The following ANKRD17 variants were observed in gnomAD, a reference collection of about 807,000 sequenced individuals.
ANKRD17 encodes the protein ankyrin repeat domain 17.
In ANKRD17, 19 loss-of-function variants were observed where a neutral mutation model predicts 229.7. The ratio of observed to expected loss-of-function variants is 0.08; its 90% CI spans 0.06 to 0.12. ANKRD17 has a LOEUF of 0.12. Among genes scored for constraint, ANKRD17 ranks in the 10% least tolerant of loss-of-function variants. ANKRD17 has a pLI of 1.00. For synonymous variants in ANKRD17, 1,112 were observed against 1,146.1 expected (o/e 0.97, Z 0.60); for missense variants, 2,176 against 3,176.8 (o/e 0.68, Z 7.57).
chr4:73,194,845 C>A (rs1737623660), intron 1 of ANKRD17, among the ~76,000 whole-genome samples: 1 of 151,902 alleles, frequency 6.6e-6, no homozygotes, highest in Non-Finnish European at 1.5e-5. Context: ...TTTTTTATTT[C>A]TCTCATTAAC....
Position 73,120,208 on chromosome 4 carries a change from C to T in ANKRD17, c.3979G>A (p.Ala1327Thr), listed in dbSNP as rs1284690897. 1 of 1,614,082 alleles carries T rather than the reference C, an allele frequency of 6.2e-7. No individual in the cohort carries two copies. The highest frequency in any genetic ancestry group is 8.5e-7 in the Non-Finnish European group (1 of 1,180,012). ...AATTTGTAATGCCCTTTATCTGCTGCTATGGTTAAAGCTGTATCTCTTGAG... is the reference window on the plus strand; with the variant it reads ...AATTTGTAATGCCCTTTATCTGCTGTTATGGTTAAAGCTGTATCTCTTGAG... ...PSSRDTALTIAADKGHYKFCE... is the reference protein window; with the variant it reads ...PSSRDTALTITADKGHYKFCE... The change falls in exon 21 of 34, where the codon GCA becomes ACA. Residue 1327 changes from alanine (A) to threonine (T), a missense_variant. Around this residue, in one of 18 missense-constraint regions of ANKRD17, gnomAD observed 178 missense variants for 421.7 expected, o/e 0.42. Transcript: ENST00000358602.
intron 1 of ANKRD17, among the ~76,000 whole-genome samples, chr4:73,220,825 C>T (rs1445118846): frequency 6.6e-6 from 1 of 152,048 alleles, no homozygotes; most frequent in African/African-American, 2.4e-5. Context: ...ATATTAAGTA[C>T]AATAATAAAA....
In ANKRD17 at chr4:73,194,840, T is replaced by G. The variant is rs113179026; in HGVS notation, c.394-17307A>C. On this transcript the variant is annotated intron_variant, in intron 1 of 33. Transcript: ENST00000358602. The stretch of plus-strand genomic sequence containing the variant: ...TTTTTCATGTATTTAGGTCATTTTT[T>G]ATTTCTCTCATTAACTGTTTTTTTT... Among the ~76,000 whole-genome samples the G allele has an allele frequency of 2.5e-3, 377 of 152,210 alleles. 2 individuals carry two copies. The highest frequency in any genetic ancestry group is 0.016 in the South Asian group (76 of 4,826).
chr4:73,174,579 C>T (rs1039431315), intron 2 of ANKRD17, among the ~76,000 whole-genome samples: 1 of 152,038 alleles, frequency 6.6e-6, no homozygotes, highest in Non-Finnish European at 1.5e-5. Context: ...CAAGTCCTAG[C>T]CAGAGCAATC....
chr4:73,099,421 C>G (rs116382499), intron 25 of ANKRD17, among the ~76,000 whole-genome samples: 6 of 152,188 alleles, frequency 3.9e-5, no homozygotes, highest in Non-Finnish European at 1.5e-5. Context: ...CCCTCCTGGA[C>G]AATGCTAACA....
intron 1 of ANKRD17, among the ~76,000 whole-genome samples, chr4:73,236,125 T>C (rs900678512): frequency 6.6e-6 from 1 of 152,182 alleles, no homozygotes; most frequent in Admixed American, 6.5e-5. Flanking sequence ...GGAAAAAGGA[T>C]GGTCAATAAC....
intron 30 of ANKRD17, among the ~76,000 whole-genome samples, chr4:73,083,169 A>C (rs2110109327): frequency 6.6e-6 from 1 of 152,360 alleles, no homozygotes; most frequent in Non-Finnish European, 1.5e-5. Flanking sequence ...TTAATTACAA[A>C]ATCTGAGAGA....
At chr4:73,076,861 A>C (rs1721052644) in intron 33 of ANKRD17, 79 bp downstream of exon 33, 1 of 1,479,256 alleles carries the variant, frequency 6.8e-7, no homozygotes, top group Non-Finnish European at 9.1e-7. Context: ...TCTTGCTATC[A>C]TGAGTTACCT....
chr4:73,141,595 C>T, intron 14 of ANKRD17, 146 bp downstream of exon 14: 2 of 679,044 alleles, frequency 2.9e-6, no homozygotes, highest in Non-Finnish European at 2.5e-6. Context: ...CTATTTTTTT[C>T]TCCCAATAAC....
At chr4:73,079,302 G>GA in intron 30 of ANKRD17, among the ~76,000 whole-genome samples, 1 of 152,264 alleles carries the variant, frequency 6.6e-6, no homozygotes, top group Non-Finnish European at 1.5e-5. Context: ...GTGTTATGAT[G>GA]AAAAAGAGAT....
chr4:73,151,487 G>T lies in ANKRD17; in HGVS notation c.1272C>A (p.Gly424=), dbSNP rs573926381. The change falls in exon 7 of 34, where the codon GGC becomes GGA. Residue 424 remains glycine, a synonymous_variant. Transcript: ENST00000358602. ...CATCTGTTTTATGCTCTTGATCCGC[G>T]CCTGCTTCCAAAAGAAATCGCACCA... The part of the protein sequence containing the change: ...LEMVRFLLEA[G]ADQEHKTDEM... 2.7e-5 allele frequency: 43 copies of T among 1,608,900 alleles called. No homozygotes were observed. In the South Asian group the frequency reaches 2.9e-4, roughly 11 times the overall value.
At chr4:73,143,901 C>G (rs571190676) in intron 11 of ANKRD17, among the ~76,000 whole-genome samples, 3 of 152,032 alleles carry the variant, frequency 2.0e-5, no homozygotes, top group Non-Finnish European at 2.9e-5. Flanking sequence ...CCACCATGCC[C>G]AGCTAATTTT....
At chr4:73,256,346 A>C (rs1745452832) in intron 1 of ANKRD17, among the ~76,000 whole-genome samples, 1 of 152,270 alleles carries the variant, frequency 6.6e-6, no homozygotes, top group Non-Finnish European at 1.5e-5. Context: ...TAAGTACTGC[A>C]TTCAACTATC....
At chr4:73,083,948 A>C (rs902470446) in intron 30 of ANKRD17, among the ~76,000 whole-genome samples, 8 of 140,152 alleles carry the variant, frequency 5.7e-5, no homozygotes, top group African/African-American at 2.1e-4. Flanking sequence ...AAAACAAAAC[A>C]AAAAAAAAAA....
intron 24 of ANKRD17, among the ~76,000 whole-genome samples, chr4:73,103,390 T>C (rs1724232103): frequency 6.6e-6 from 1 of 152,162 alleles, no homozygotes; most frequent in Admixed American, 6.5e-5. Flanking sequence ...TGACTTTCAA[T>C]TTTACTTTAT....
In ANKRD17 at chr4:73,199,452, C is replaced by T. The variant is rs895896230; in HGVS notation, c.394-21919G>A. 2.0e-5 allele frequency among the ~76,000 whole-genome samples: 3 copies of T among 152,116 alleles called. No homozygotes were observed. The East Asian group carries it at 5.8e-4, about 29-fold the overall frequency. ...TATAGAGTACCCCTATTAATTTCAT[C>T]TTCTCTCAATTGCCTTCAAAACATC... On this transcript the variant is annotated intron_variant, in intron 1 of 33. Coordinates refer to ENST00000358602, the MANE Select transcript of ANKRD17 (RefSeq NM_032217.5).
intron 2 of ANKRD17, among the ~76,000 whole-genome samples, chr4:73,164,691 C>G (rs1207468386): frequency 2.0e-5 from 3 of 151,814 alleles, no homozygotes; most frequent in Admixed American, 6.6e-5. Flanking sequence ...ACTTGGGAGG[C>G]TGAGGCAGGA....
At chr4:73,216,928 T>C (rs1239235407) in intron 1 of ANKRD17, among the ~76,000 whole-genome samples, 1 of 152,158 alleles carries the variant, frequency 6.6e-6, no homozygotes, top group Admixed American at 6.5e-5. Context: ...TTTGGCAAAT[T>C]TGGAAGATAT....
At chr4:73,239,164 C>T (rs371123827) in intron 1 of ANKRD17, among the ~76,000 whole-genome samples, 1 of 152,248 alleles carries the variant, frequency 6.6e-6, no homozygotes, top group East Asian at 1.9e-4. Flanking sequence ...CAGAGATGAA[C>T]AGGGCTTGAA....
Sources: allele counts gnomAD v4.1 joint callset (sites outside exome capture counted in the v4.1 genomes callset), GRCh38; gene constraint gnomAD v4.1.1; regional missense constraint gnomAD v4.1.1; transcripts MANE v1.5; gene names NCBI Gene and HGNC (gene_info 2026-07-23, HGNC 2026-07-21).